Variants in TRIO observed in about 807,000 individuals in gnomAD.
TRIO encodes the protein triple functional domain protein.
A neutral mutation model predicts 351.9 loss-of-function variants in TRIO; 58 were observed. The observed-to-expected ratio is 0.16, with a 90% CI of 0.13 to 0.21. TRIO has a LOEUF of 0.21. Among genes scored for constraint, TRIO ranks in the 10% least tolerant of loss-of-function variants. The pLI is 1.00. For synonymous variants in TRIO, 1,758 were observed against 1,595.7 expected, an observed-to-expected ratio of 1.10 and a Z score of -2.42; for missense variants, 3,201 against 4,027.8, an observed-to-expected ratio of 0.79 and a Z score of 5.56.
At chr5:14,490,866 C>T (rs1215656441) in intron 48 of TRIO, 2 of 455,964 alleles carry the variant, frequency 4.4e-6, no homozygotes, top group African/African-American at 4.0e-5. Context: ...TTTGTAATCT[C>T]AGTACTCTTG....
At chr5:14,393,196 A>G (rs1321446083) in intron 27 of TRIO, among the ~76,000 whole-genome samples, 1 of 151,930 alleles carries the variant, frequency 6.6e-6, no homozygotes, top group East Asian at 1.9e-4. Context: ...TTGAATAATG[A>G]GAACACATTA....
At chr5:14,464,868 T>C (rs185848531) in intron 36 of TRIO, among the ~76,000 whole-genome samples, 17 of 152,252 alleles carry the variant, frequency 1.1e-4, no homozygotes, top group South Asian at 6.2e-4. Context: ...TCGAACTTAG[T>C]AGCCCCTCCC....
intron 34 of TRIO, among the ~76,000 whole-genome samples, chr5:14,451,262 TAC>T (rs1339916031): frequency 1.3e-5 from 2 of 152,176 alleles, no homozygotes; most frequent in African/African-American, 4.8e-5. Context: ...AGGATTAACT[TAC>T]AGATTAACTC....
At chr5:14,257,541 C>G (rs1053223254) in intron 1 of TRIO, among the ~76,000 whole-genome samples, 3 of 152,068 alleles carry the variant, frequency 2.0e-5, no homozygotes, top group Admixed American at 2.0e-4. Context: ...TGAGCAGGAC[C>G]CTGAGAGTGC....
chr5:14,426,019 A>G (rs1259237439), intron 34 of TRIO, among the ~76,000 whole-genome samples: 1 of 152,140 alleles, frequency 6.6e-6, no homozygotes, highest in Non-Finnish European at 1.5e-5. Context: ...TCAATAATAT[A>G]TTTCAAGTAT....
chr5:14,389,052 T>G (rs1746816210), intron 24 of TRIO, among the ~76,000 whole-genome samples: 1 of 152,208 alleles, frequency 6.6e-6, no homozygotes, highest in South Asian at 2.1e-4. Context: ...GTAGGTTAAT[T>G]CCAAAATTTG....
intron 34 of TRIO, among the ~76,000 whole-genome samples, chr5:14,429,092 A>T (rs13162840): frequency 6.6e-6 from 1 of 152,302 alleles, no homozygotes; most frequent in Non-Finnish European, 1.5e-5. Context: ...CAGAGAGATG[A>T]TGTGTTGGGT....
At chr5:14,382,490 G>GGGCGCAGCAAGAAGACCC (rs1403353926) in intron 21 of TRIO, among the ~76,000 whole-genome samples, 1 of 152,168 alleles carries the variant, frequency 6.6e-6, no homozygotes, top group Non-Finnish European at 1.5e-5. Flanking sequence ...CAGGCATGGG[G>GGGCGCAGCAAGAAGACCC]GGCGCAGCAA....
intron 1 of TRIO, among the ~76,000 whole-genome samples, chr5:14,267,225 T>C (rs1226264110): frequency 6.6e-6 from 1 of 152,218 alleles, no homozygotes; most frequent in African/African-American, 2.4e-5. Context: ...CAAATTTCTC[T>C]TTGTGGCACC....
intron 54 of TRIO, among the ~76,000 whole-genome samples, 186 bp downstream of exon 54, chr5:14,502,843 C>T (rs1757393332): frequency 1.3e-5 from 2 of 152,200 alleles, no homozygotes; most frequent in Non-Finnish European, 2.9e-5. Context: ...AGCCATTTTC[C>T]ACTCGGGTTC....
chr5:14,196,120 T>C (rs1192336231), intron 1 of TRIO, among the ~76,000 whole-genome samples: 1 of 152,126 alleles, frequency 6.6e-6, no homozygotes, highest in African/African-American at 2.4e-5. Context: ...TTTAAAAACA[T>C]TGCAAAGATT....
chr5:14,183,834 G>C (rs1357772915), intron 1 of TRIO: 11 of 648,586 alleles, frequency 1.7e-5, no homozygotes, highest in Non-Finnish European at 2.8e-5. Flanking sequence ...TGGTGTTCTG[G>C]GATCCTGAGG....
At position 14,404,011 on chromosome 5, in the gene TRIO, TGTGGTGAGGGTGTAGGTTGTG is replaced by T. The variant is rs1327424543; in HGVS notation, c.4717-1812_4717-1792del. On this transcript the variant is annotated intron_variant, in intron 31 of 56. Transcript: ENST00000344204. ...TGCAGGTTGTGGTGAGGGTGTAGGT[TGTGGTGAGGGTGTAGGTTGTG>T]GTGGTGAGGGTGTAGGTTGTGGTGA... Among the ~76,000 whole-genome samples, 652 of 76,040 alleles carry T rather than the reference TGTGGTGAGGGTGTAGGTTGTG, an allele frequency of 8.6e-3. 3 individuals carry two copies. The highest frequency in any genetic ancestry group is 0.034 in the African/African-American group (587 of 17,496). The allele number at this position is 76,040 out of a possible 152,430, so 49.9% of individuals were successfully genotyped here. A position where few individuals can be genotyped will look rare whatever the true frequency, so the allele number is the denominator to read the frequency against.
intron 1 of TRIO, among the ~76,000 whole-genome samples, chr5:14,177,260 G>C (rs974768084): frequency 1.3e-5 from 2 of 152,190 alleles, no homozygotes; most frequent in African/African-American, 4.8e-5. Flanking sequence ...TTTGCTTTTA[G>C]TGGCTTATAT....
At chr5:14,280,907 C>T (rs1479236744) in intron 3 of TRIO, among the ~76,000 whole-genome samples, 2 of 152,102 alleles carry the variant, frequency 1.3e-5, no homozygotes, top group Non-Finnish European at 2.9e-5. Flanking sequence ...ATTTGGGAAT[C>T]TCTATCAAAA....
At chr5:14,472,465 C>T (rs540578251) in intron 38 of TRIO, 127 bp from the exon 39 acceptor site, 2 of 1,001,748 alleles carry the variant, frequency 2.0e-6, no homozygotes, top group Admixed American at 4.9e-5. Flanking sequence ...GAATTTAACA[C>T]CTAAATGTAC....
chr5:14,191,056 G>A (rs1013303706), intron 1 of TRIO, among the ~76,000 whole-genome samples: 3 of 152,034 alleles, frequency 2.0e-5, no homozygotes, highest in Non-Finnish European at 4.4e-5. Flanking sequence ...CCTCTGCTGT[G>A]ACCCGCAGAC....
rs553965345 is a variant in TRIO at position 14,304,678 on chromosome 5, G to A, written c.1500+86G>A. The A allele has an allele frequency of 7.9e-5, 116 of 1,460,440 alleles. 2 individuals carry two copies. The South Asian group carries it at 1.5e-3, about 19-fold the overall frequency. The allele number at this position is 1,460,440 out of a possible 1,614,324, so 90.5% of individuals were successfully genotyped here. ...GAAGCTAGAAAAAAAAAAGTTTTGGGTAGCCCAGAAAAAGTTTATAGATTT... is the reference window on the plus strand; with the variant it reads ...GAAGCTAGAAAAAAAAAAGTTTTGGATAGCCCAGAAAAAGTTTATAGATTT... On this transcript the variant is annotated intron_variant, in intron 8 of 56. Coordinates refer to ENST00000344204, the MANE Select transcript of TRIO (RefSeq NM_007118.4).
chr5:14,499,848 G>C (rs971883004), intron 53 of TRIO, among the ~76,000 whole-genome samples: 1 of 151,882 alleles, frequency 6.6e-6, no homozygotes, highest in South Asian at 2.1e-4. Context: ...TCAGGAGATC[G>C]AGACCATCGT....
Sources: allele counts gnomAD v4.1 joint callset (sites outside exome capture counted in the v4.1 genomes callset), GRCh38; gene constraint gnomAD v4.1.1; transcripts MANE v1.5; gene names NCBI Gene and HGNC (gene_info 2026-07-23, HGNC 2026-07-21).